OSBPL10: variants seen among roughly 807,000 people sequenced by gnomAD.
OSBPL10 encodes oxysterol binding protein like 10.
Under a neutral mutation model 81.7 loss-of-function variants are expected in OSBPL10, and 49 were observed. The ratio of observed to expected loss-of-function variants is 0.60; its 90% CI spans 0.48 to 0.76. OSBPL10 has a LOEUF of 0.76. Ranked by LOEUF, OSBPL10 falls within the 30% of genes least tolerant of loss-of-function variation. OSBPL10 has a pLI of 0.00. For missense variants in OSBPL10, 923 were observed against 987.8 expected (o/e 0.93, Z 0.88); for synonymous variants, 419 against 383.6 (o/e 1.09, Z -1.08).
intron 1 of OSBPL10, among the ~76,000 whole-genome samples, chr3:31,957,389 G>A (rs975493954): frequency 1.3e-5 from 2 of 152,188 alleles, no homozygotes; most frequent in Non-Finnish European, 2.9e-5. Flanking sequence ...CAGAGCCACA[G>A]TGGCAGCTGA....
chr3:31,779,515 C>T (rs1286288650), intron 4 of OSBPL10, among the ~76,000 whole-genome samples: 4 of 152,162 alleles, frequency 2.6e-5, no homozygotes, highest in Non-Finnish European at 5.9e-5. Context: ...GAAAAAATCG[C>T]AACCCTAAAT....
intron 4 of OSBPL10, among the ~76,000 whole-genome samples, chr3:31,800,683 G>C (rs1204239312): frequency 2.0e-5 from 3 of 151,090 alleles, no homozygotes; most frequent in African/African-American, 7.4e-5. Flanking sequence ...AACCACATGG[G>C]TGGGTCAAGT....
Position 31,717,500 on chromosome 3 carries a change from G to GA in OSBPL10, c.1096-14993dup, listed in dbSNP as rs200387541. On this transcript the variant is annotated intron_variant, in intron 6 of 11. Transcript: ENST00000396556. ...AGAAAACAGGCTCTAGCATTTTGTA[G>GA]AAAAAAAAGAAATAAACCAAGAGCG... Among the ~76,000 whole-genome samples, 100 of 151,872 alleles carry GA rather than the reference G, an allele frequency of 6.6e-4. 1 individual carries two copies. The highest frequency in any genetic ancestry group is 2.2e-3 in the African/African-American group (92 of 41,472).
At chr3:32,076,445 A>G (rs930705363) in intron 1 of OSBPL10, among the ~76,000 whole-genome samples, 1 of 151,998 alleles carries the variant, frequency 6.6e-6, no homozygotes, top group African/African-American at 2.4e-5. Flanking sequence ...GGTGAAATAA[A>G]CAGCCTCGTT....
intron 3 of OSBPL10, among the ~76,000 whole-genome samples, chr3:31,838,932 A>G (rs553596199): frequency 6.7e-4 from 102 of 152,330 alleles, no homozygotes; most frequent in East Asian, 7.7e-4. Flanking sequence ...TACACCCCGC[A>G]TAGCATTTAA....
chr3:31,798,832 C>T lies in OSBPL10; in HGVS notation c.729+31208G>A, dbSNP rs142066131. Among the ~76,000 whole-genome samples, 603 of 152,276 alleles carry T rather than the reference C, an allele frequency of 4.0e-3. 2 individuals carry two copies. Among genetic ancestry groups the T allele is most frequent in the Non-Finnish European group, 7.1e-3 (482 of 68,020 alleles). Reference sequence around the variant, plus strand: ...GTATCTGAATTGCAGAAAACTGTCACCCTAAAGCAGCAATCCCCAATCTTT... The same window carrying T: ...GTATCTGAATTGCAGAAAACTGTCATCCTAAAGCAGCAATCCCCAATCTTT... On this transcript the variant is annotated intron_variant, in intron 4 of 11. Transcript: ENST00000396556.
intron 4 of OSBPL10, among the ~76,000 whole-genome samples, chr3:31,799,021 C>T (rs1195351142): frequency 2.6e-5 from 4 of 152,188 alleles, no homozygotes; most frequent in Non-Finnish European, 4.4e-5. Context: ...CGCTCACCTC[C>T]TGCTATGCCG....
At chr3:32,068,157 A>G (rs952156296) in intron 1 of OSBPL10, among the ~76,000 whole-genome samples, 2 of 152,054 alleles carry the variant, frequency 1.3e-5, no homozygotes, top group African/African-American at 2.4e-5. Context: ...TTTCCTCTCT[A>G]GTAGAGACAG....
At chr3:31,740,804 GAAAGA>G (rs1316692027) in intron 5 of OSBPL10, among the ~76,000 whole-genome samples, 1 of 141,564 alleles carries the variant, frequency 7.1e-6, no homozygotes, top group Non-Finnish European at 1.5e-5. Context: ...AAGAAAGAAA[GAAAGA>G]AAAGAAAAGA....
chr3:31,734,141 G>A (rs1697075304), intron 5 of OSBPL10, among the ~76,000 whole-genome samples: 1 of 152,182 alleles, frequency 6.6e-6, no homozygotes, highest in South Asian at 2.1e-4. Flanking sequence ...TGCAAAGTGA[G>A]CACAGGATGC....
intron 5 of OSBPL10, among the ~76,000 whole-genome samples, chr3:31,738,260 C>A (rs1241842109): frequency 6.6e-6 from 1 of 151,878 alleles, no homozygotes; most frequent in Admixed American, 6.6e-5. Context: ...AAATTCCAAA[C>A]ACACACAAAA....
chr3:31,674,583 TTAGATAGATAGATAGATAGATAGATAGA>T (rs55696700), intron 8 of OSBPL10, among the ~76,000 whole-genome samples: 1 of 147,838 alleles, frequency 6.8e-6, no homozygotes, highest in Non-Finnish European at 1.5e-5. Context: ...GATAGATAGA[TTAGATAGATAGATAGATAGATAGATAGA>T]TAGATAGATA....
At position 31,830,068 on chromosome 3, in the gene OSBPL10, T is replaced by C; in HGVS notation, c.701A>G (p.Tyr234Cys). The change falls in exon 4 of 12, where the codon TAT becomes TGT. Residue 234 changes from tyrosine (Y) to cysteine (C), a missense_variant. This residue lies in a region of OSBPL10 where 514 missense variants were observed against 508.0 expected (regional missense o/e 1.01). Transcript: ENST00000396556. ...TCTGACTTCGTGAAGCTGGCCGGAA[T>C]ACTGACTCTTGGCTCTTCGGGCGGC... ...PAAARRAKSQ[Y>C]SGQLHEVREM... 6.2e-7 allele frequency: 1 copy of C among 1,613,810 alleles called. No homozygotes were observed. The highest frequency in any genetic ancestry group is 8.5e-7 in the Non-Finnish European group (1 of 1,179,966).
rs57256301 is a variant in OSBPL10, at chr3:31,930,003, C to CAAAAAAAAAA, written c.282-50183_282-50174dup. On this transcript the variant is annotated intron_variant, in intron 1 of 11. Coordinates refer to ENST00000396556, the MANE Select transcript of OSBPL10 (RefSeq NM_017784.5). ...GATCAAGTGAGACCCTGTCACCAAC[C>CAAAAAAAAAA]AAAAAAAAAAAAAAAAAAAAAAACA... is the stretch of plus-strand genomic sequence containing the variant. Among the ~76,000 whole-genome samples, 11 of 72,566 alleles carry CAAAAAAAAAA rather than the reference C, an allele frequency of 1.5e-4. 1 individual carries two copies. The highest frequency in any genetic ancestry group is 2.7e-4 in the African/African-American group (5 of 18,748). 47.6% of individuals were successfully genotyped at this position (72,566 alleles called of 152,430 possible).
chr3:31,742,211 A>C (rs1180323656), intron 5 of OSBPL10, among the ~76,000 whole-genome samples: 2 of 152,238 alleles, frequency 1.3e-5, no homozygotes, highest in Non-Finnish European at 2.9e-5. Context: ...AAAAGAGATG[A>C]AAAATACAAG....
intron 3 of OSBPL10, among the ~76,000 whole-genome samples, chr3:31,849,876 A>G (rs1559491219): frequency 6.6e-6 from 1 of 152,138 alleles, no homozygotes; most frequent in East Asian, 1.9e-4. Context: ...CTTCTCTACA[A>G]AAATTTAGCC....
At chr3:31,691,479 AGAGGCT>A (rs1695548769) in intron 7 of OSBPL10, among the ~76,000 whole-genome samples, 1 of 152,148 alleles carries the variant, frequency 6.6e-6, no homozygotes, top group Admixed American at 6.5e-5. Context: ...CAGCATTTTG[AGAGGCT>A]GAGGTGGGAG....
chr3:31,979,615 A>T (rs192404235), intron 1 of OSBPL10, among the ~76,000 whole-genome samples: 68 of 152,312 alleles, frequency 4.5e-4, no homozygotes, highest in African/African-American at 1.5e-3. Context: ...TTAAATAGGC[A>T]GGACAAAATA....
At chr3:32,044,161 T>G (rs1221716772) in intron 2 of OSBPL10, among the ~76,000 whole-genome samples, 3 of 152,138 alleles carry the variant, frequency 2.0e-5, no homozygotes, top group African/African-American at 7.2e-5. Flanking sequence ...CAAGCCAAGC[T>G]GTGGTCTTCT....
Sources: allele counts gnomAD v4.1 joint callset (sites outside exome capture counted in the v4.1 genomes callset), GRCh38; gene constraint gnomAD v4.1.1; regional missense constraint gnomAD v4.1.1; transcripts MANE v1.5; gene names NCBI Gene and HGNC (gene_info 2026-07-23, HGNC 2026-07-21).